Variants in CSRNP3 observed in about 807,000 individuals in gnomAD.
CSRNP3 encodes cysteine/serine-rich nuclear protein 3.
A neutral mutation model predicts 48.0 loss-of-function variants in CSRNP3; 12 were observed. The ratio of observed to expected loss-of-function variants is 0.25; its 90% CI spans 0.16 to 0.41. CSRNP3 has a LOEUF of 0.41. CSRNP3 is among the 10% of genes least tolerant of loss of function. The pLI, the probability that CSRNP3 is intolerant of heterozygous loss-of-function variation, is 1.00. For missense variants in CSRNP3, 580 were observed against 724.4 expected (o/e 0.80, Z 2.29); for synonymous variants, 263 against 269.7 (o/e 0.98, Z 0.24).
chr2:165,638,096 A>C (rs1404385587), intron 4 of CSRNP3, among the ~76,000 whole-genome samples: 4 of 152,232 alleles, frequency 2.6e-5, no homozygotes, highest in African/African-American at 7.2e-5. Flanking sequence ...ATTTCTATGA[A>C]GTCAGGCATT....
At chr2:165,485,847 C>T (rs923348746) in intron 1 of CSRNP3, among the ~76,000 whole-genome samples, 2 of 152,026 alleles carry the variant, frequency 1.3e-5, no homozygotes, top group African/African-American at 4.8e-5. Context: ...ACAGTAGCAC[C>T]ACAAGTGGTA....
chr2:165,615,761 G>C (rs1366454929), intron 4 of CSRNP3, among the ~76,000 whole-genome samples: 1 of 151,224 alleles, frequency 6.6e-6, no homozygotes, highest in African/African-American at 2.4e-5. Flanking sequence ...TTGAGACAGG[G>C]TCTCTCTCTG....
At chr2:165,526,678 C>A (rs369931858) in intron 3 of CSRNP3, among the ~76,000 whole-genome samples, 12 of 152,296 alleles carry the variant, frequency 7.9e-5, no homozygotes, top group African/African-American at 2.6e-4. Flanking sequence ...AGGCAAACTG[C>A]TGAAACTTTA....
chr2:165,625,421 G>T (rs2105321690), intron 4 of CSRNP3, among the ~76,000 whole-genome samples: 1 of 151,350 alleles, frequency 6.6e-6, no homozygotes, highest in South Asian at 2.1e-4. Flanking sequence ...GAGGTCAGGA[G>T]TTCGAGACCA....
intron 2 of CSRNP3, among the ~76,000 whole-genome samples, chr2:165,515,471 A>C (rs1264269339): frequency 6.6e-6 from 1 of 151,668 alleles, no homozygotes; most frequent in Non-Finnish European, 1.5e-5. Context: ...ATGTTTTTGA[A>C]TTTCAACTTT....
chr2:165,629,949 A>G (rs901945718), intron 4 of CSRNP3, among the ~76,000 whole-genome samples: 1 of 152,174 alleles, frequency 6.6e-6, no homozygotes, highest in African/African-American at 2.4e-5. Flanking sequence ...GAGGACCCCA[A>G]GCTGATTTCC....
chr2:165,612,847 T>C (rs1444448072), intron 4 of CSRNP3, among the ~76,000 whole-genome samples: 2 of 152,128 alleles, frequency 1.3e-5, no homozygotes, highest in Non-Finnish European at 2.9e-5. Flanking sequence ...ATTAGGTTGA[T>C]TCTGTATACT....
At chr2:165,552,121 T>G (rs1421271663) in intron 3 of CSRNP3, among the ~76,000 whole-genome samples, 1 of 152,230 alleles carries the variant, frequency 6.6e-6, no homozygotes, top group Non-Finnish European at 1.5e-5. Flanking sequence ...GGATTACATT[T>G]CTCTCTCCAC....
At position 165,657,894 on chromosome 2, in the gene CSRNP3, G is replaced by A. The variant is rs1369758250; in HGVS notation, c.282G>A (p.Met94Ile). ...VPSQGGSTLG[M>I]SSRHNSVRQY... ...GTCAAGGGGGAAGCACCCTGGGGAT[G>A]TCCAGCCGCCATAACAGCGTGCGCC... The change falls in exon 5 of 7, where the codon ATG becomes ATA. Residue 94 changes from methionine (M) to isoleucine (I), a missense_variant. Met to Ile is a conservative substitution (Grantham distance 10). Around this residue, in one of 4 missense-constraint regions of CSRNP3, gnomAD observed 83 missense variants for 139.6 expected, o/e 0.59. Transcript: ENST00000651982. The A allele has an allele frequency of 6.2e-7, 1 of 1,613,958 alleles. No homozygotes were observed.
chr2:165,472,043 C>G (rs866554382), intron 1 of CSRNP3, among the ~76,000 whole-genome samples: 1 of 151,856 alleles, frequency 6.6e-6, no homozygotes, highest in Non-Finnish European at 1.5e-5. Flanking sequence ...TCACTATATA[C>G]AGCTTTGTCC....
intron 3 of CSRNP3, among the ~76,000 whole-genome samples, chr2:165,578,165 C>T (rs1286667301): frequency 2.0e-5 from 3 of 152,022 alleles, no homozygotes; most frequent in South Asian, 2.1e-4. Context: ...GTGCCATATA[C>T]TTCTTGCCAA....
chr2:165,622,893 C>T (rs1686363939), intron 4 of CSRNP3, among the ~76,000 whole-genome samples: 1 of 152,198 alleles, frequency 6.6e-6, no homozygotes, highest in East Asian at 1.9e-4. Context: ...GTCTCCATTA[C>T]AGTCTATACT....
chr2:165,523,968 C>T (rs978542990), intron 3 of CSRNP3, among the ~76,000 whole-genome samples: 1 of 152,140 alleles, frequency 6.6e-6, no homozygotes, highest in South Asian at 2.1e-4. Flanking sequence ...TACCTCCAAC[C>T]CTATTCTTCA....
At chr2:165,668,792 G>A (rs571795843) in intron 5 of CSRNP3, among the ~76,000 whole-genome samples, 15 of 152,222 alleles carry the variant, frequency 9.9e-5, no homozygotes, top group African/African-American at 3.4e-4. Flanking sequence ...CTCTTAGAGT[G>A]TACTGCCACG....
chr2:165,621,291 CTTT>C (rs60553994), intron 4 of CSRNP3, among the ~76,000 whole-genome samples: 35 of 134,374 alleles, frequency 2.6e-4, no homozygotes, highest in Non-Finnish European at 3.4e-4. Flanking sequence ...TCCTTCAGTC[CTTT>C]TTTTTTTTTT....
intron 3 of CSRNP3, among the ~76,000 whole-genome samples, chr2:165,568,405 T>G (rs181396237): frequency 1.9e-3 from 291 of 152,184 alleles, no homozygotes; most frequent in Non-Finnish European, 2.6e-3. Flanking sequence ...GTCACCCAAG[T>G]CTCTTCAAAG....
intron 2 of CSRNP3, among the ~76,000 whole-genome samples, chr2:165,506,845 G>C (rs939402968): frequency 2.6e-5 from 4 of 152,134 alleles, no homozygotes; most frequent in African/African-American, 9.7e-5. Flanking sequence ...ACCAGTGGAT[G>C]AGGTCCTTTG....
rs1294736734 is a variant in CSRNP3 at position 165,681,311 on chromosome 2, G to A, written c.*1558G>A. The stretch of plus-strand genomic sequence containing the variant: ...CATGTTTTATAACTATTTGAAATGC[G>A]GACATGACTTGCTATTCAGTGACTG... On this transcript the variant is annotated 3_prime_UTR_variant, in exon 7 of 7. Coordinates refer to ENST00000651982, the MANE Select transcript of CSRNP3 (RefSeq NM_001172173.2). The A allele has an allele frequency of 3.3e-5, 5 of 151,580 alleles. No individual in the cohort carries two copies. Among genetic ancestry groups the A allele is most frequent in the Admixed American group, 6.6e-5 (1 of 15,216 alleles). 9.4% of individuals were successfully genotyped at this position (151,580 alleles called of 1,614,324 possible).
intron 2 of CSRNP3, among the ~76,000 whole-genome samples, chr2:165,516,562 A>T (rs1234876955): frequency 6.6e-6 from 1 of 152,166 alleles, no homozygotes; most frequent in Non-Finnish European, 1.5e-5. Flanking sequence ...ACATGTTGTA[A>T]ATGATAAAAA....
Sources: allele counts gnomAD v4.1 joint callset (sites outside exome capture counted in the v4.1 genomes callset), GRCh38; gene constraint gnomAD v4.1.1; regional missense constraint gnomAD v4.1.1; transcripts MANE v1.5; gene names NCBI Gene and HGNC (gene_info 2026-07-23, HGNC 2026-07-21).